Variants in KLHL25 observed in about 807,000 individuals in gnomAD.
KLHL25 encodes kelch like family member 25.
KLHL25 carries 41 observed loss-of-function variants against 30.0 expected under a neutral mutation model. That is an observed-to-expected ratio of 1.37 (90% confidence interval 1.07 to 1.78). The LOEUF (loss-of-function observed/expected upper bound fraction) is 1.78. KLHL25 is among the 40% of genes most tolerant of loss of function. The pLI, the probability that KLHL25 is intolerant of heterozygous loss-of-function variation, is 0.00. For synonymous variants in KLHL25, 399 were observed against 355.3 expected, an observed-to-expected ratio of 1.12 and a Z score of -1.38; for missense variants, 971 against 824.5, an observed-to-expected ratio of 1.18 and a Z score of -2.18.
chr15:85,765,542 C>A (rs935262998), intron 2 of KLHL25, among the ~76,000 whole-genome samples: 2 of 150,802 alleles, frequency 1.3e-5, no homozygotes, highest in African/African-American at 4.9e-5. Flanking sequence ...AGGAGAATCG[C>A]TTGAACCCAG....
chr15:85,769,396 A>C lies in KLHL25; in HGVS notation c.415T>G (p.Phe139Val). The change falls in exon 2 of 3, where the codon TTC becomes GTC. Residue 139 changes from phenylalanine (F) to valine (V), a missense_variant. Physicochemically the swap from Phe to Val is conservative, Grantham distance 50. Coordinates refer to ENST00000337975, the MANE Select transcript of KLHL25 (RefSeq NM_022480.4). ...GAGGGGAAAAGGTTCTTCTCCAGGA[A>C]CTCGGCGGCAGCATCCCGCACATCG... ...FHDVRDAAAEFLEKNLFPSNC... is the reference protein window; with the variant it reads ...FHDVRDAAAEVLEKNLFPSNC... 5.6e-6 allele frequency: 9 copies of C among 1,614,030 alleles called. No individual in the cohort carries two copies. Among genetic ancestry groups the C allele is most frequent in the Non-Finnish European group, 7.6e-6 (9 of 1,180,012 alleles).
chr15:85,771,523 G>A (rs1034665005), intron 1 of KLHL25, among the ~76,000 whole-genome samples: 1 of 152,254 alleles, frequency 6.6e-6, no homozygotes, highest in Non-Finnish European at 1.5e-5. Context: ...AAAAGAGGCA[G>A]AGAAGCCACA....
Position 85,769,702 on chromosome 15 carries a change from T to G in KLHL25, c.109A>C (p.Asn37His). The G allele has an allele frequency of 6.2e-7, 1 of 1,613,958 alleles. No individual in the cohort carries two copies. Among genetic ancestry groups the G allele is most frequent in the Non-Finnish European group, 8.5e-7 (1 of 1,180,016 alleles). Residue 37 changes from asparagine (N) to histidine (H), a missense_variant, in exon 2 of 3, where the codon AAC becomes CAC. Coordinates refer to ENST00000337975, the MANE Select transcript of KLHL25 (RefSeq NM_022480.4). ...AACATGCAGTGCTTGCGAAGCGTGTTGAGGTGGGCCAGCACACAGTCCGGG... is the reference window on the plus strand; with the variant it reads ...AACATGCAGTGCTTGCGAAGCGTGTGGAGGTGGGCCAGCACACAGTCCGGG... ...SHPDCVLAHL[N>H]TLRKHCMFTD...
Position 85,789,783 on chromosome 15 carries a change from G to A in KLHL25, c.-11+4983C>T, listed in dbSNP as rs1224468668. On this transcript the variant is annotated intron_variant, in intron 1 of 2. Transcript: ENST00000337975. The surrounding 1 kb of genome is among the most constrained non-coding windows in gnomAD (Gnocchi z 4.1). Reference sequence around the variant, plus strand: ...ACCACCTTCCCTTGAGCCCACGCCTGCTCCCCTAAGCCCAGCCTGGTGCTC... The same window carrying A: ...ACCACCTTCCCTTGAGCCCACGCCTACTCCCCTAAGCCCAGCCTGGTGCTC... 6.6e-6 allele frequency among the ~76,000 whole-genome samples: 1 copy of A among 152,106 alleles called. No homozygotes were observed. The highest frequency in any genetic ancestry group is 1.5e-5 in the Non-Finnish European group (1 of 68,024).
chr15:85,778,537 A>C (rs920120522), intron 1 of KLHL25, among the ~76,000 whole-genome samples: 2 of 152,204 alleles, frequency 1.3e-5, no homozygotes, highest in Admixed American at 6.5e-5. Context: ...ACAGCTTAGG[A>C]AACTGGGCAG....
chr15:85,777,573 G>A (rs184507609), intron 1 of KLHL25, among the ~76,000 whole-genome samples: 29 of 152,274 alleles, frequency 1.9e-4, no homozygotes, highest in Non-Finnish European at 3.4e-4. Context: ...TTCACGTAAC[G>A]CACCCAAACA....
chr15:85,774,365 C>T (rs2089696482), intron 1 of KLHL25, among the ~76,000 whole-genome samples: 1 of 152,194 alleles, frequency 6.6e-6, no homozygotes, highest in South Asian at 2.1e-4. Flanking sequence ...TCGCTGCTCC[C>T]CAGGCAATCC....
intron 1 of KLHL25, among the ~76,000 whole-genome samples, chr15:85,782,674 C>A (rs2089751554): frequency 1.3e-5 from 2 of 152,164 alleles, no homozygotes; most frequent in African/African-American, 4.8e-5. Flanking sequence ...AGTAAGTACA[C>A]TGAAATCTGA....
At position 85,769,854 on chromosome 15, in the gene KLHL25, C is replaced by T. The variant is rs181256469; in HGVS notation, c.-10-34G>A. ...GGAACAAGCCCACAGGTTAGAGGAG[C>T]CCCTCCTGCCCATCTGCCCTCTCAG... On this transcript the variant is annotated intron_variant, in intron 1 of 2. Coordinates refer to ENST00000337975, the MANE Select transcript of KLHL25 (RefSeq NM_022480.4). 167 of 1,533,138 alleles carry T rather than the reference C, an allele frequency of 1.1e-4. 1 individual carries two copies. The East Asian group carries it at 3.7e-3, about 34-fold the overall frequency. 95.0% of individuals were successfully genotyped at this position (1,533,138 alleles called of 1,614,324 possible). A position where few individuals can be genotyped will look rare whatever the true frequency, so the allele number is the denominator to read the frequency against.
At chr15:85,778,003 G>A (rs994506704) in intron 1 of KLHL25, among the ~76,000 whole-genome samples, 3 of 152,196 alleles carry the variant, frequency 2.0e-5, no homozygotes, top group Admixed American at 6.5e-5. Context: ...TAATCAGGAC[G>A]GATGAGGTTC....
At chr15:85,774,549 T>C (rs2089697494) in intron 1 of KLHL25, among the ~76,000 whole-genome samples, 1 of 152,182 alleles carries the variant, frequency 6.6e-6, no homozygotes, top group South Asian at 2.1e-4. Context: ...GAAAGGCCTA[T>C]CCTGAGAGAA....
chr15:85,767,957 G>A (rs11637444), intron 2 of KLHL25, 60 bp downstream of exon 2: 257,584 of 1,099,476 alleles, frequency 0.23, 34,175 homozygotes, highest in Middle Eastern at 0.33. Flanking sequence ...GAAGAGGTGG[G>A]ACTGCATTCC....
chr15:85,775,898 G>GA, intron 1 of KLHL25, among the ~76,000 whole-genome samples: 1 of 149,468 alleles, frequency 6.7e-6, no homozygotes, highest in African/African-American at 2.4e-5. Flanking sequence ...AAGCGGCCAG[G>GA]CGTGGTGGCT....
At chr15:85,785,108 T>TC (rs2089772398) in intron 1 of KLHL25, among the ~76,000 whole-genome samples, 2 of 151,352 alleles carry the variant, frequency 1.3e-5, no homozygotes, top group Non-Finnish European at 2.9e-5. Flanking sequence ...TTTTTTTTTT[T>TC]TCTGAGACAG....
intron 2 of KLHL25, chr15:85,761,384 A>G (rs1488275606): frequency 2.0e-5 from 3 of 152,272 alleles, no homozygotes; most frequent in Non-Finnish European, 2.9e-5. Context: ...GCAGGTGAGC[A>G]CCATCAGATG....
Position 85,768,861 on chromosome 15 carries a change from G to A in KLHL25, c.950C>T (p.Ala317Val). The change falls in exon 2 of 3, where the codon GCC becomes GTC. Residue 317 changes from alanine to valine, a missense_variant. Coordinates refer to ENST00000337975, the MANE Select transcript of KLHL25 (RefSeq NM_022480.4). ...CDKIYQVDHK[A>V]KEIIPKADLP... ...GTCGGCCTTGGGGATGATCTCCTTG[G>A]CCTTGTGGTCCACCTGGTAGATCTT... 6.2e-7 allele frequency: 1 copy of A among 1,613,344 alleles called. No individual in the cohort carries two copies. Among genetic ancestry groups the A allele is most frequent in the Non-Finnish European group, 8.5e-7 (1 of 1,180,040 alleles).
chr15:85,786,267 G>T (rs751268120), intron 1 of KLHL25, among the ~76,000 whole-genome samples: 8 of 152,148 alleles, frequency 5.3e-5, no homozygotes, highest in Admixed American at 1.3e-4. Context: ...GGGATCACAG[G>T]AGCCTCCTCT....
chr15:85,791,578 G>A (rs2089817077), intron 1 of KLHL25, among the ~76,000 whole-genome samples: 1 of 152,114 alleles, frequency 6.6e-6, no homozygotes, highest in Non-Finnish European at 1.5e-5. Flanking sequence ...AAGGAAAGCA[G>A]GAAAGGTTTA....
chr15:85,785,634 C>CA (rs1330327811), intron 1 of KLHL25, among the ~76,000 whole-genome samples: 1 of 151,986 alleles, frequency 6.6e-6, no homozygotes, highest in African/African-American at 2.4e-5. Flanking sequence ...ACCCAGCAAC[C>CA]AGGGTAGGTG....
Sources: gnomAD v4.1 joint callset for allele counts (sites outside exome capture counted in the v4.1 genomes callset) on GRCh38, gnomAD v4.1.1 for gene constraint, Gnocchi (gnomAD v3.1) non-coding constraint, MANE v1.5 for transcripts, NCBI Gene and HGNC (gene_info 2026-07-23, HGNC 2026-07-21) for gene names.